Variants in RALGAPA2 observed in about 807,000 individuals in gnomAD.
RALGAPA2 encodes the protein ral GTPase-activating protein subunit alpha-2.
A neutral mutation model predicts 230.4 loss-of-function variants in RALGAPA2; 139 were observed. The observed-to-expected ratio is 0.60, with a 90% CI of 0.53 to 0.69. The LOEUF (loss-of-function observed/expected upper bound fraction) is 0.69, where lower values mean the gene tolerates loss of function less well. Among genes scored for constraint, RALGAPA2 ranks in the 30% least tolerant of loss-of-function variants. The probability of loss-of-function intolerance (pLI) is 0.00; values close to 1 mark genes in which losing one functional copy is unlikely to be tolerated. For synonymous variants in RALGAPA2, 847 were observed against 837.8 expected, an observed-to-expected ratio of 1.01 and a Z score of -0.19; for missense variants, 2,163 against 2,276.0, an observed-to-expected ratio of 0.95 and a Z score of 1.01.
intron 37 of RALGAPA2, among the ~76,000 whole-genome samples, chr20:20,435,096 C>T (rs1238457140): frequency 6.6e-6 from 1 of 152,194 alleles, no homozygotes; most frequent in Non-Finnish European, 1.5e-5. Context: ...TTCTTGAATG[C>T]CATGTTTGCC....
Position 20,392,787 on chromosome 20 carries a change from T to C in RALGAPA2, c.*502A>G, listed in dbSNP as rs1019271257. Reference sequence around the variant, plus strand: ...ATCAATGCAGATCAGATTCCTCAATTAGACAATTGTTTTGCCAGCCCCTTT... The same window carrying C: ...ATCAATGCAGATCAGATTCCTCAATCAGACAATTGTTTTGCCAGCCCCTTT... On this transcript the variant is annotated 3_prime_UTR_variant, in exon 40 of 40. Coordinates refer to ENST00000202677, the MANE Select transcript of RALGAPA2 (RefSeq NM_020343.4). 1.6e-5 allele frequency: 3 copies of C among 185,802 alleles called. No homozygotes were observed. Among genetic ancestry groups the C allele is most frequent in the African/African-American group, 2.4e-5 (1 of 41,842 alleles). The allele number at this position is 185,802 out of a possible 1,614,324, so 11.5% of individuals were successfully genotyped here.
intron 16 of RALGAPA2, among the ~76,000 whole-genome samples, chr20:20,593,182 C>T (rs933881775): frequency 2.0e-5 from 3 of 152,228 alleles, no homozygotes; most frequent in Admixed American, 6.5e-5. Flanking sequence ...GGATTGCAGG[C>T]GTGGGCCATG....
intron 3 of RALGAPA2, among the ~76,000 whole-genome samples, chr20:20,661,184 A>T (rs1336564536): frequency 6.6e-6 from 1 of 152,136 alleles, no homozygotes; most frequent in Non-Finnish European, 1.5e-5. Flanking sequence ...TTTGAGACAG[A>T]GCCTCGCTCT....
intron 23 of RALGAPA2, among the ~76,000 whole-genome samples, chr20:20,550,645 T>G (rs1279405353): frequency 2.0e-5 from 3 of 152,140 alleles, no homozygotes; most frequent in Admixed American, 6.6e-5. Context: ...ACTCTAGAAC[T>G]TGAGCCATGA....
intron 26 of RALGAPA2, 32 bp from the exon 27 acceptor site, chr20:20,531,827 C>T (rs1403455764): frequency 6.9e-6 from 10 of 1,458,660 alleles, no homozygotes; most frequent in Non-Finnish European, 8.5e-6. Flanking sequence ...GAGGAAAACT[C>T]TCATGAAACT....
At chr20:20,649,190 G>A (rs1209381015) in intron 4 of RALGAPA2, among the ~76,000 whole-genome samples, 1 of 152,166 alleles carries the variant, frequency 6.6e-6, no homozygotes, top group Non-Finnish European at 1.5e-5. Flanking sequence ...TGGCTGTGAT[G>A]CACTTCTGAG....
At chr20:20,582,186 G>A (rs2065008279) in intron 20 of RALGAPA2, among the ~76,000 whole-genome samples, 1 of 151,880 alleles carries the variant, frequency 6.6e-6, no homozygotes, top group African/African-American at 2.4e-5. Context: ...GTGTGTGTGT[G>A]TGTGTGTGTG....
chr20:20,463,080 A>G (rs2061339209), intron 37 of RALGAPA2, among the ~76,000 whole-genome samples: 1 of 151,420 alleles, frequency 6.6e-6, no homozygotes, highest in African/African-American at 2.4e-5. Context: ...TCTTTAGGAA[A>G]CTTGTTCCCT....
chr20:20,696,789 CAG>C, intron 1 of RALGAPA2, among the ~76,000 whole-genome samples: 1 of 152,238 alleles, frequency 6.6e-6, no homozygotes, highest in Non-Finnish European at 1.5e-5. Flanking sequence ...AACCTCCCTT[CAG>C]AGAGGCCTTC....
intron 16 of RALGAPA2, among the ~76,000 whole-genome samples, chr20:20,592,672 C>T (rs1602980753): frequency 6.6e-6 from 1 of 152,188 alleles, no homozygotes; most frequent in African/African-American, 2.4e-5. Flanking sequence ...GGCTGGGTCA[C>T]CTGGTTTGTC....
intron 3 of RALGAPA2, among the ~76,000 whole-genome samples, chr20:20,662,948 T>C (rs1410257092): frequency 3.3e-5 from 5 of 152,188 alleles, no homozygotes; most frequent in Non-Finnish European, 7.3e-5. Flanking sequence ...TGCTGCTTAT[T>C]TGGGGACCTG....
intron 33 of RALGAPA2, among the ~76,000 whole-genome samples, chr20:20,509,509 T>C (rs2062638376): frequency 6.6e-6 from 1 of 152,160 alleles, no homozygotes; most frequent in South Asian, 2.1e-4. Flanking sequence ...TAAGGCCACC[T>C]AGGAAAAAAG....
chr20:20,594,648 C>A (rs1016337652), intron 16 of RALGAPA2, among the ~76,000 whole-genome samples: 2 of 152,032 alleles, frequency 1.3e-5, no homozygotes, highest in Admixed American at 1.3e-4. Context: ...TTAGTTCCAA[C>A]TACCCAGATT....
In RALGAPA2 at chr20:20,544,282, C is replaced by T. The variant is rs113036823; in HGVS notation, c.3285+2422G>A. 6.3e-3 allele frequency among the ~76,000 whole-genome samples: 939 copies of T among 150,130 alleles called. 9 individuals carry two copies. The highest frequency in any genetic ancestry group is 0.022 in the African/African-American group (892 of 40,636). Reference sequence around the variant, plus strand: ...TAAAAACATAAAAAAAATAGCTGGGCATGGTGGCGGGTGCCTGTAGTCCCA... The same window carrying T: ...TAAAAACATAAAAAAAATAGCTGGGTATGGTGGCGGGTGCCTGTAGTCCCA... On this transcript the variant is annotated intron_variant, in intron 24 of 39. Transcript: ENST00000202677.
intron 37 of RALGAPA2, among the ~76,000 whole-genome samples, chr20:20,457,684 G>A (rs2061154474): frequency 6.6e-6 from 1 of 152,186 alleles, no homozygotes; most frequent in Admixed American, 6.5e-5. Flanking sequence ...TCTCACCCTT[G>A]GAGGCACCAG....
chr20:20,416,480 C>A (rs374640535), intron 37 of RALGAPA2, among the ~76,000 whole-genome samples: 17 of 152,180 alleles, frequency 1.1e-4, no homozygotes, highest in African/African-American at 4.1e-4. Context: ...TTACTGCTTT[C>A]ATCTAATATC....
At chr20:20,511,152 T>C in intron 33 of RALGAPA2, 102 bp downstream of exon 33, 1 of 1,506,752 alleles carries the variant, frequency 6.6e-7, no homozygotes, top group African/African-American at 1.4e-5. Flanking sequence ...AGAACTACCC[T>C]TGGATGTCTC....
chr20:20,531,952 C>A (rs961006518), intron 26 of RALGAPA2, among the ~76,000 whole-genome samples, 157 bp from the exon 27 acceptor site: 1 of 152,050 alleles, frequency 6.6e-6, no homozygotes, highest in Admixed American at 6.5e-5. Context: ...AGATAAAGAA[C>A]CCTCAATAGG....
Position 20,619,373 on chromosome 20 carries a change from C to T in RALGAPA2, c.1443G>A (p.Trp481Ter). 1 of 1,609,394 alleles carries T rather than the reference C, an allele frequency of 6.2e-7. No homozygotes were observed. The highest frequency in any genetic ancestry group is 2.2e-5 in the East Asian group (1 of 44,820). The stretch of plus-strand genomic sequence containing the variant: ...CACTTGTGAAGGAGTATGTGCGTCC[C>T]CAACTGGAAGATCGTTTATGACCAG... ...ESSGHKRSSSWGRTYSFTSAM... is the reference protein window; with the variant it reads ...ESSGHKRSSS The change falls in exon 12 of 40, where the codon TGG becomes TGA. Residue 481 changes from tryptophan to a stop codon, truncating the protein, a stop_gained. Transcript: ENST00000202677. LOFTEE classifies it high-confidence loss of function.
Sources: gnomAD v4.1 joint callset for allele counts (sites outside exome capture counted in the v4.1 genomes callset) on GRCh38, gnomAD v4.1.1 for gene constraint, MANE v1.5 for transcripts, NCBI Gene and HGNC (gene_info 2026-07-23, HGNC 2026-07-21) for gene names.